BBS9: variants seen among roughly 807,000 people sequenced by gnomAD.
The protein encoded by BBS9 is protein PTHB1.
In BBS9, 89 loss-of-function variants were observed where a neutral mutation model predicts 117.7. That is an observed-to-expected ratio of 0.76 (90% CI 0.64 to 0.90). The LOEUF (loss-of-function observed/expected upper bound fraction) is 0.90. BBS9 is among the 40% of genes least tolerant of loss of function. BBS9 has a pLI of 0.00. For synonymous variants in BBS9, 379 were observed against 370.9 expected, an observed-to-expected ratio of 1.02 and a Z score of -0.25; for missense variants, 982 against 1,042.2, an observed-to-expected ratio of 0.94 and a Z score of 0.80.
intron 21 of BBS9, among the ~76,000 whole-genome samples, chr7:33,553,941 A>G (rs1301430587): frequency 6.6e-6 from 1 of 152,128 alleles, no homozygotes; most frequent in African/African-American, 2.4e-5. Flanking sequence ...CAGTGAAACA[A>G]TGAGTTGAGA....
At chr7:33,535,878 G>T (rs1851289527) in intron 21 of BBS9, among the ~76,000 whole-genome samples, 1 of 152,146 alleles carries the variant, frequency 6.6e-6, no homozygotes, top group Non-Finnish European at 1.5e-5. Flanking sequence ...AGTTCAGGCT[G>T]CAGCAGCCCC....
chr7:33,416,906 A>G (rs1234088532), intron 19 of BBS9, among the ~76,000 whole-genome samples: 3 of 152,136 alleles, frequency 2.0e-5, no homozygotes, highest in Non-Finnish European at 4.4e-5. Flanking sequence ...TTGCTCCTTG[A>G]TGCTCCTAGG....
intron 15 of BBS9, among the ~76,000 whole-genome samples, chr7:33,357,235 GAT>G (rs1474905518): frequency 2.0e-5 from 3 of 151,736 alleles, no homozygotes; most frequent in Non-Finnish European, 4.4e-5. Flanking sequence ...CACTTAAAGT[GAT>G]ATGTAAAGTT....
intron 19 of BBS9, among the ~76,000 whole-genome samples, chr7:33,453,075 C>A (rs535134473): frequency 4.6e-5 from 7 of 152,182 alleles, no homozygotes; most frequent in Non-Finnish European, 2.9e-5. Context: ...TACAAACATT[C>A]ATCTCTTCCA....
intron 5 of BBS9, among the ~76,000 whole-genome samples, chr7:33,186,486 A>G (rs1296349337): frequency 6.6e-6 from 1 of 152,190 alleles, no homozygotes; most frequent in African/African-American, 2.4e-5. Context: ...AAACTTTCCT[A>G]TCAGAATGGA....
At chr7:33,412,518 G>A (rs1370551793) in intron 19 of BBS9, among the ~76,000 whole-genome samples, 1 of 152,222 alleles carries the variant, frequency 6.6e-6, no homozygotes, top group African/African-American at 2.4e-5. Flanking sequence ...CAACTTGCAT[G>A]CCTATGCTTA....
At chr7:33,225,840 G>A (rs1791161307) in intron 5 of BBS9, among the ~76,000 whole-genome samples, 1 of 151,890 alleles carries the variant, frequency 6.6e-6, no homozygotes, top group Non-Finnish European at 1.5e-5. Context: ...GTATTTAAAG[G>A]TAAACTATAT....
intron 21 of BBS9, among the ~76,000 whole-genome samples, chr7:33,537,305 G>A (rs1203837211): frequency 1.3e-5 from 2 of 152,184 alleles, no homozygotes; most frequent in African/African-American, 4.8e-5. Flanking sequence ...GAAGGCCATG[G>A]TGACAACATC....
intron 21 of BBS9, among the ~76,000 whole-genome samples, chr7:33,543,491 T>C (rs1343408867): frequency 6.6e-6 from 1 of 152,228 alleles, no homozygotes; most frequent in African/African-American, 2.4e-5. Flanking sequence ...TATTTGTTTT[T>C]ATTGCATTTG....
chr7:33,135,999 C>G (rs1367392162), intron 1 of BBS9, among the ~76,000 whole-genome samples: 1 of 151,880 alleles, frequency 6.6e-6, no homozygotes, highest in African/African-American at 2.4e-5. Flanking sequence ...TCACAGCTCA[C>G]TGTAATCTTG....
chr7:33,488,758 T>G (rs534697734), intron 19 of BBS9, among the ~76,000 whole-genome samples: 1 of 152,322 alleles, frequency 6.6e-6, no homozygotes, highest in African/African-American at 2.4e-5. Flanking sequence ...AGTAAATTTC[T>G]TCTGTTCTAG....
intron 21 of BBS9, among the ~76,000 whole-genome samples, chr7:33,621,028 G>T: frequency 6.6e-6 from 1 of 152,088 alleles, no homozygotes; most frequent in East Asian, 1.9e-4. Flanking sequence ...ATATGCAGAA[G>T]AATGAAAAAT....
At chr7:33,628,079 T>G (rs1865725708) in intron 21 of BBS9, among the ~76,000 whole-genome samples, 1 of 152,142 alleles carries the variant, frequency 6.6e-6, no homozygotes, top group African/African-American at 2.4e-5. Context: ...ACTGGAGAAT[T>G]TTGTCAAAGA....
chr7:33,518,123 T>G (rs1434462990), intron 20 of BBS9, among the ~76,000 whole-genome samples: 2 of 152,146 alleles, frequency 1.3e-5, no homozygotes, highest in East Asian at 1.9e-4. Context: ...GACAAATAAT[T>G]CTTCATATTA....
intron 5 of BBS9, among the ~76,000 whole-genome samples, chr7:33,239,407 A>T (rs547445186): frequency 5.8e-4 from 88 of 151,882 alleles, no homozygotes; most frequent in Non-Finnish European, 1.9e-4. Context: ...GTGGTGGGTT[A>T]TCTTTTTAAC....
intron 9 of BBS9, among the ~76,000 whole-genome samples, chr7:33,306,381 C>T (rs565727216): frequency 5.3e-5 from 8 of 151,942 alleles, no homozygotes; most frequent in East Asian, 1.9e-4. Flanking sequence ...CTTCCATGTG[C>T]GAAATTCATT....
At chr7:33,475,435 G>T (rs1413638656) in intron 19 of BBS9, among the ~76,000 whole-genome samples, 1 of 152,060 alleles carries the variant, frequency 6.6e-6, no homozygotes, top group African/African-American at 2.4e-5. Flanking sequence ...CAGTGAATTT[G>T]CATTTCTAAT....
At chr7:33,625,600 C>T (rs979027773) in intron 21 of BBS9, among the ~76,000 whole-genome samples, 1 of 152,146 alleles carries the variant, frequency 6.6e-6, no homozygotes, top group African/African-American at 2.4e-5. Context: ...TTGCACATTC[C>T]TAAAGTGACT....
At chr7:33,453,197 C>T (rs1268970705) in intron 19 of BBS9, among the ~76,000 whole-genome samples, 1 of 152,106 alleles carries the variant, frequency 6.6e-6, no homozygotes, top group African/African-American at 2.4e-5. Flanking sequence ...TTGCTCTTTG[C>T]ATGGTCTTAT....
Sources: gnomAD v4.1 joint callset for allele counts (sites outside exome capture counted in the v4.1 genomes callset) on GRCh38, gnomAD v4.1.1 for gene constraint, MANE v1.5 for transcripts, NCBI Gene and HGNC (gene_info 2026-07-23, HGNC 2026-07-21) for gene names.